SMAD7: variants seen among roughly 807,000 people sequenced by gnomAD.
SMAD7 encodes the protein SMAD family member 7.
Under a neutral mutation model 38.7 loss-of-function variants are expected in SMAD7, and 8 were observed. The ratio of observed to expected loss-of-function variants is 0.21; its 90% CI spans 0.12 to 0.37. SMAD7 has a LOEUF of 0.37. Ranked by LOEUF, SMAD7 falls within the 10% of genes least tolerant of loss-of-function variation. The pLI, the probability that SMAD7 is intolerant of heterozygous loss-of-function variation, is 1.00. For missense variants in SMAD7, 477 were observed against 577.9 expected, an observed-to-expected ratio of 0.83 and a Z score of 1.79; for synonymous variants, 327 against 265.1, an observed-to-expected ratio of 1.23 and a Z score of -2.27.
chr18:48,930,741 G>A (rs1173433287), intron 3 of SMAD7, among the ~76,000 whole-genome samples: 1 of 152,238 alleles, frequency 6.6e-6, no homozygotes, highest in African/African-American at 2.4e-5. Flanking sequence ...CACAAGTCAA[G>A]GAGGCCCTAC....
chr18:48,934,843 T>A (rs2070045576), intron 3 of SMAD7, among the ~76,000 whole-genome samples: 1 of 152,100 alleles, frequency 6.6e-6, no homozygotes, highest in African/African-American at 2.4e-5. Context: ...GAACCACTTT[T>A]CTCTGGAGTT....
intron 3 of SMAD7, among the ~76,000 whole-genome samples, chr18:48,922,659 C>T (rs1279135642): frequency 1.3e-5 from 2 of 152,154 alleles, no homozygotes; most frequent in Non-Finnish European, 2.9e-5. Context: ...CCGGTATTAA[C>T]CCGGGCTACC....
chr18:48,948,356 C>T, intron 2 of SMAD7, 28 bp downstream of exon 2: 4 of 1,514,350 alleles, frequency 2.6e-6, no homozygotes, highest in Non-Finnish European at 3.6e-6. Context: ...TTAAGATAAG[C>T]AGGATATTTT....
At chr18:48,928,581 T>G (rs9807229) in intron 3 of SMAD7, among the ~76,000 whole-genome samples, 4,135 of 152,252 alleles carry the variant, frequency 0.027, 205 homozygotes, top group African/African-American at 0.093. Context: ...CTGCCCAGGC[T>G]TGGTTCCCTG....
Position 48,950,281 on chromosome 18 carries a change from A to G in SMAD7, c.144T>C (p.His48=), listed in dbSNP as rs2070247532. Residue 48 remains histidine, a synonymous_variant, in exon 1 of 4, where the codon CAT becomes CAC. Transcript: ENST00000262158. ...TGCCCGGGCCGCCGCCACCGGCCCC[A>G]TGCGCTCGGCTGTCCGTCGCCCCTT... ...RGEGATDSRA[H]GAGGGGPGRA... is the part of the protein sequence containing the mutation. 2 of 1,527,108 alleles carry G rather than the reference A, an allele frequency of 1.3e-6. No individual in the cohort carries two copies. The highest frequency in any genetic ancestry group is 1.2e-5 in the South Asian group (1 of 82,558). The allele number at this position is 1,527,108 out of a possible 1,614,324, so 94.6% of individuals were successfully genotyped here. A position where few individuals can be genotyped will look rare whatever the true frequency, so the allele number is the denominator to read the frequency against.
intron 3 of SMAD7, among the ~76,000 whole-genome samples, chr18:48,936,470 C>G (rs111383034): frequency 6.6e-6 from 1 of 152,180 alleles, no homozygotes; most frequent in Non-Finnish European, 1.5e-5. Context: ...AAAGGAAACC[C>G]GGTCCCATGG....
chr18:48,925,172 C>A (rs1430133900), intron 3 of SMAD7, among the ~76,000 whole-genome samples: 1 of 152,240 alleles, frequency 6.6e-6, no homozygotes, highest in East Asian at 1.9e-4. Flanking sequence ...GCAAAACTCA[C>A]AGTCCTTTGT....
chr18:48,927,089 G>C (rs1243651041), intron 3 of SMAD7, among the ~76,000 whole-genome samples: 1 of 152,188 alleles, frequency 6.6e-6, no homozygotes, highest in African/African-American at 2.4e-5. Flanking sequence ...TCCAAAAGAG[G>C]AAATAGGACC....
chr18:48,936,877 C>CA (rs2070073654), intron 3 of SMAD7, among the ~76,000 whole-genome samples: 3 of 152,192 alleles, frequency 2.0e-5, no homozygotes, highest in East Asian at 3.9e-4. Flanking sequence ...GTCAGGAGTT[C>CA]AAGACCAGCC....
chr18:48,922,988 G>A (rs1047269967), intron 3 of SMAD7, among the ~76,000 whole-genome samples: 3 of 152,312 alleles, frequency 2.0e-5, no homozygotes, highest in Middle Eastern at 3.4e-3. Flanking sequence ...CCGGCGGCGG[G>A]CATTCTGACT....
At chr18:48,942,435 T>C (rs746806529) in intron 3 of SMAD7, 46 bp downstream of exon 3, 16 of 1,360,468 alleles carry the variant, frequency 1.2e-5, no homozygotes, top group Non-Finnish European at 1.6e-5. Context: ...TTTAGCAATT[T>C]CAAAAAAGGT....
Position 48,950,192 on chromosome 18 carries a change from G to C in SMAD7, c.233C>G (p.Pro78Arg). The C allele has an allele frequency of 1.3e-6, 2 of 1,486,742 alleles. No individual in the cohort carries two copies. Among genetic ancestry groups the C allele is most frequent in the East Asian group, 2.9e-5 (1 of 34,240 alleles). The allele number at this position is 1,486,742 out of a possible 1,614,324, so 92.1% of individuals were successfully genotyped here. A position where few individuals can be genotyped will look rare whatever the true frequency, so the allele number is the denominator to read the frequency against. ...GAKGHHHPHP[P>R]AAGAGAAGGA... is the part of the protein sequence containing the mutation. ...CCCGGCCGCGCCGGCGCCCGCGGCT[G>C]GCGGGTGGGGATGGTGGTGACCTTT... Residue 78 changes from proline (P) to arginine (R), a missense_variant, in exon 1 of 4, where the codon CCA becomes CGA. Physicochemically the swap from Pro to Arg is moderately radical, Grantham distance 103. Around this residue, in one of 2 missense-constraint regions of SMAD7, gnomAD observed 376 missense variants for 379.4 expected, o/e 0.99. Coordinates refer to ENST00000262158, the MANE Select transcript of SMAD7 (RefSeq NM_005904.4).
At position 48,921,181 on chromosome 18, in the gene SMAD7, T is replaced by C. The variant is rs1208992857; in HGVS notation, c.*191A>G. The C allele has an allele frequency of 5.2e-6, 3 of 576,740 alleles. No homozygotes were observed. The highest frequency in any genetic ancestry group is 9.0e-6 in the Non-Finnish European group (3 of 333,046). The allele number at this position is 576,740 out of a possible 1,614,324, so 35.7% of individuals were successfully genotyped here. A position where few individuals can be genotyped will look rare whatever the true frequency, so the allele number is the denominator to read the frequency against. On this transcript the variant is annotated 3_prime_UTR_variant, in exon 4 of 4. Coordinates refer to ENST00000262158, the MANE Select transcript of SMAD7 (RefSeq NM_005904.4). This position sits in a 1 kb window ranked among gnomAD's most constrained non-coding sequence, Gnocchi z 6.4. ...AAAAAACCCCCAACAATTCTTTTCATAAGCTATTTCTCAAAGAGCGAAACA... is the reference window on the plus strand; with the variant it reads ...AAAAAACCCCCAACAATTCTTTTCACAAGCTATTTCTCAAAGAGCGAAACA...
intron 3 of SMAD7, among the ~76,000 whole-genome samples, chr18:48,923,276 G>A (rs1292724905): frequency 6.6e-6 from 1 of 152,188 alleles, no homozygotes; most frequent in African/African-American, 2.4e-5. Flanking sequence ...GTTTTGGTGT[G>A]GCCTTTGTGT....
chr18:48,938,255 A>T (rs1424249142), intron 3 of SMAD7, among the ~76,000 whole-genome samples: 1 of 152,170 alleles, frequency 6.6e-6, no homozygotes, highest in Non-Finnish European at 1.5e-5. Context: ...TGCTGAATGG[A>T]TACTGACTCA....
chr18:48,950,017 C>T lies in SMAD7; in HGVS notation c.408G>A (p.Leu136=). 2.6e-6 allele frequency: 4 copies of T among 1,556,556 alleles called. No individual in the cohort carries two copies. Among genetic ancestry groups the T allele is most frequent in the Non-Finnish European group, 3.5e-6 (4 of 1,153,764 alleles). The change falls in exon 1 of 4, where the codon CTG becomes CTA. Residue 136 remains leucine, a synonymous_variant. Coordinates refer to ENST00000262158, the MANE Select transcript of SMAD7 (RefSeq NM_005904.4). ...GCGCGCCGGCGGGCGCCCCCGGGCC[C>T]AGCCTGCAGTCCAGGCGGCCGGGCA... ...LLLPGRLDCR[L]GPGAPAGAQP...
At chr18:48,934,787 A>C in intron 3 of SMAD7, among the ~76,000 whole-genome samples, 1 of 152,068 alleles carries the variant, frequency 6.6e-6, no homozygotes, top group African/African-American at 2.4e-5. Context: ...AAAAAAAAAC[A>C]CAAAACAGAA....
intron 3 of SMAD7, among the ~76,000 whole-genome samples, chr18:48,937,086 A>G (rs1031944897): frequency 6.6e-6 from 1 of 151,870 alleles, no homozygotes; most frequent in Non-Finnish European, 1.5e-5. Flanking sequence ...CTCGAATTAA[A>G]AAAAAAAAAA....
chr18:48,949,256 T>C (rs948194784), intron 1 of SMAD7: 69 of 983,746 alleles, frequency 7.0e-5, no homozygotes, highest in Non-Finnish European at 8.2e-5. Flanking sequence ...CCAACTCTCT[T>C]TGCCCCAAAA....
Sources: gnomAD v4.1 joint callset for allele counts (sites outside exome capture counted in the v4.1 genomes callset) on GRCh38, gnomAD v4.1.1 for gene constraint, gnomAD v4.1.1 regional missense constraint, Gnocchi (gnomAD v3.1) non-coding constraint, MANE v1.5 for transcripts, NCBI Gene and HGNC (gene_info 2026-07-23, HGNC 2026-07-21) for gene names.